FAM120B: variants seen among roughly 807,000 people sequenced by gnomAD.
The protein encoded by FAM120B is constitutive coactivator of peroxisome proliferator-activated receptor gamma.
Under a neutral mutation model 96.3 loss-of-function variants are expected in FAM120B, and 83 were observed. The ratio of observed to expected loss-of-function variants is 0.86; its 90% CI spans 0.72 to 1.03. FAM120B has a LOEUF of 1.03. Among genes scored for constraint, FAM120B ranks in the 50% least tolerant of loss-of-function variants. The pLI, the probability that FAM120B is intolerant of heterozygous loss-of-function variation, is 0.00. For missense variants in FAM120B, 1,027 were observed against 1,121.2 expected (o/e 0.92, Z 1.20); for synonymous variants, 407 against 402.7 (o/e 1.01, Z -0.13).
intron 6 of FAM120B, among the ~76,000 whole-genome samples, chr6:170,366,179 A>T (rs1464515698): frequency 6.6e-6 from 1 of 152,160 alleles, no homozygotes; most frequent in Non-Finnish European, 1.5e-5. Context: ...GGTGGCACTA[A>T]ATCGTTGTTC....
intron 5 of FAM120B, among the ~76,000 whole-genome samples, chr6:170,357,276 A>G (rs1291220118): frequency 6.6e-6 from 1 of 152,120 alleles, no homozygotes; most frequent in Non-Finnish European, 1.5e-5. Flanking sequence ...GGGTAGCTGA[A>G]CGCGGTGGCT....
At chr6:170,355,822 T>C (rs570886579) in intron 5 of FAM120B, among the ~76,000 whole-genome samples, 1 of 152,340 alleles carries the variant, frequency 6.6e-6, no homozygotes, top group South Asian at 2.1e-4. Context: ...TTTCTAATAA[T>C]CTACAGGTGT....
rs1459444953 is a variant in FAM120B at position 170,317,987 on chromosome 6, G to A, written c.597G>A (p.Glu199=). ...PYFSISELCL[E]SLDTVMLCRE... ...TTTCAATTAGCGAGCTCTGCCTAGA[G>A]AGCCTGGACACCGTCATGCTCTGCA... The change falls in exon 2 of 11, where the codon GAG becomes GAA. Residue 199 remains glutamate, a synonymous_variant. Transcript: ENST00000476287. 6.2e-7 allele frequency: 1 copy of A among 1,613,838 alleles called. No homozygotes were observed. The highest frequency in any genetic ancestry group is 1.7e-5 in the Admixed American group (1 of 59,994).
Position 170,370,235 on chromosome 6 carries a change from A to C in FAM120B, c.2283+11917A>C, listed in dbSNP as rs1006838096. Among the ~76,000 whole-genome samples, 1 of 152,150 alleles carries C rather than the reference A, an allele frequency of 6.6e-6. No individual in the cohort carries two copies. Among genetic ancestry groups the C allele is most frequent in the Non-Finnish European group, 1.5e-5 (1 of 68,024 alleles). On this transcript the variant is annotated intron_variant, in intron 6 of 10. Transcript: ENST00000476287. This position sits in a 1 kb window ranked among gnomAD's most constrained non-coding sequence, Gnocchi z 4.3. ...AGGCCTTGTGTCCTCCTGCTCCCACATGTGCTAAGTGGCACCTTAGGGGGC... is the reference window on the plus strand; with the variant it reads ...AGGCCTTGTGTCCTCCTGCTCCCACCTGTGCTAAGTGGCACCTTAGGGGGC...
intron 6 of FAM120B, among the ~76,000 whole-genome samples, chr6:170,377,063 CTGGGAGAA>C (rs1340505516): frequency 5.1e-5 from 7 of 135,930 alleles, no homozygotes; most frequent in Non-Finnish European, 7.9e-5. Flanking sequence ...ACCCAGACGC[CTGGGAGAA>C]CACAGGCTCA....
intron 6 of FAM120B, among the ~76,000 whole-genome samples, chr6:170,379,445 A>G (rs1297009670): frequency 1.3e-5 from 2 of 152,188 alleles, no homozygotes; most frequent in Non-Finnish European, 2.9e-5. Flanking sequence ...TGGGACCAGA[A>G]GTGTTTCAGA....
chr6:170,358,327 G>C lies in FAM120B; in HGVS notation c.2283+9G>C, dbSNP rs369683119. The C allele has an allele frequency of 6.3e-7, 1 of 1,583,552 alleles. No homozygotes were observed. The highest frequency in any genetic ancestry group is 1.7e-5 in the Admixed American group (1 of 58,838). On this transcript the variant is annotated intron_variant, in intron 6 of 10. Coordinates refer to ENST00000476287, the MANE Select transcript of FAM120B (RefSeq NM_032448.3). ...AGCTTGTAAATCTACAGGTACAGAC[G>C]TGACCAGTTAGTTGTCACTGCCCGG...
upstream of FAM120B, among the ~76,000 whole-genome samples, chr6:170,305,093 C>T (rs1784235100): frequency 6.6e-6 from 1 of 152,012 alleles, no homozygotes; most frequent in African/African-American, 2.4e-5. Context: ...GCTCCACCCT[C>T]ATGATTTATT....
chr6:170,385,617 C>G (rs1790142191), intron 6 of FAM120B, among the ~76,000 whole-genome samples: 1 of 152,178 alleles, frequency 6.6e-6, no homozygotes, highest in Admixed American at 6.5e-5. Context: ...CAAAGCTAAA[C>G]AGGTCTTAAC....
At chr6:170,381,656 T>C (rs1044245131) in intron 6 of FAM120B, among the ~76,000 whole-genome samples, 3 of 152,086 alleles carry the variant, frequency 2.0e-5, no homozygotes, top group Non-Finnish European at 4.4e-5. Context: ...AATCCAGCAA[T>C]TAATTATACA....
chr6:170,341,550 A>T (rs189817038), intron 4 of FAM120B, among the ~76,000 whole-genome samples: 212 of 152,220 alleles, frequency 1.4e-3, no homozygotes, highest in African/African-American at 4.9e-3. Context: ...TACAAAAAAA[A>T]ACTCCTGCAG....
intron 6 of FAM120B, among the ~76,000 whole-genome samples, chr6:170,373,106 T>G (rs1583284841): frequency 6.6e-6 from 1 of 152,326 alleles, no homozygotes; most frequent in East Asian, 1.9e-4. Flanking sequence ...TGTTTACTGT[T>G]CAATATTTAC....
intron 6 of FAM120B, among the ~76,000 whole-genome samples, chr6:170,375,118 CAG>C (rs892659603): frequency 6.6e-6 from 1 of 152,216 alleles, no homozygotes; most frequent in Non-Finnish European, 1.5e-5. Flanking sequence ...TGCTGTAACT[CAG>C]GGATGGTCCC....
At chr6:170,323,744 T>C (rs1785434613) in intron 3 of FAM120B, among the ~76,000 whole-genome samples, 1 of 152,238 alleles carries the variant, frequency 6.6e-6, no homozygotes, top group Non-Finnish European at 1.5e-5. Flanking sequence ...TTTTCTCATC[T>C]ATATTTCCAT....
At position 170,399,366 on chromosome 6, in the gene FAM120B, G is replaced by A. The variant is rs368756576; in HGVS notation, c.2692+3787G>A. 2.5e-3 allele frequency among the ~76,000 whole-genome samples: 330 copies of A among 134,216 alleles called. No individual in the cohort carries two copies. In the East Asian group the frequency reaches 0.037, roughly 15 times the overall value. The allele number at this position is 134,216 out of a possible 152,430, so 88.1% of individuals were successfully genotyped here. A position where few individuals can be genotyped will look rare whatever the true frequency, so the allele number is the denominator to read the frequency against. On this transcript the variant is annotated intron_variant, in intron 9 of 10. Coordinates refer to ENST00000476287, the MANE Select transcript of FAM120B (RefSeq NM_032448.3). ...ATGTCATAACCCTTAGGAGTGAGTG[G>A]GGAAGGTAGAACTATGTCATAACTC...
intron 4 of FAM120B, among the ~76,000 whole-genome samples, chr6:170,341,315 C>G (rs1786812021): frequency 6.6e-6 from 1 of 152,208 alleles, no homozygotes; most frequent in African/African-American, 2.4e-5. Flanking sequence ...AACCGCCTAC[C>G]AATCCTCAGT....
intron 2 of FAM120B, among the ~76,000 whole-genome samples, chr6:170,321,240 T>C (rs996372510): frequency 6.6e-6 from 1 of 152,250 alleles, no homozygotes; most frequent in African/African-American, 2.4e-5. Context: ...AACAGGCAAC[T>C]AAAATTCAAA....
At chr6:170,338,264 A>C (rs1247896793) in intron 4 of FAM120B, among the ~76,000 whole-genome samples, 1 of 152,016 alleles carries the variant, frequency 6.6e-6, no homozygotes, top group Non-Finnish European at 1.5e-5. Context: ...TAACTTCTTC[A>C]TTTCTGCCTT....
chr6:170,307,545 C>T (rs1562510423), intron 1 of FAM120B, among the ~76,000 whole-genome samples: 1 of 152,154 alleles, frequency 6.6e-6, no homozygotes, highest in African/African-American at 2.4e-5. Context: ...GAGTTGAGAG[C>T]CTATTCCTGG....
Sources: gnomAD v4.1 joint callset for allele counts (sites outside exome capture counted in the v4.1 genomes callset) on GRCh38, gnomAD v4.1.1 for gene constraint, Gnocchi (gnomAD v3.1) non-coding constraint, MANE v1.5 for transcripts, NCBI Gene and HGNC (gene_info 2026-07-23, HGNC 2026-07-21) for gene names.